CELF2: variants seen among roughly 807,000 people sequenced by gnomAD.
CELF2 encodes the protein CUGBP Elav-like family member 2, also known as CUG triplet repeat RNA-binding protein 2.
A neutral mutation model predicts 62.6 loss-of-function variants in CELF2; 8 were observed. That is an observed-to-expected ratio of 0.13 (90% CI 0.07 to 0.23). The LOEUF (loss-of-function observed/expected upper bound fraction) is 0.23, where lower values mean the gene tolerates loss of function less well. CELF2 is among the 10% of genes least tolerant of loss of function. The pLI, the probability that CELF2 is intolerant of heterozygous loss-of-function variation, is 1.00. For missense variants in CELF2, 333 were observed against 671.0 expected (o/e 0.50, Z 5.56); for synonymous variants, 258 against 250.0 (o/e 1.03, Z -0.30).
chr10:11,284,521 T>A (rs2090469659), intron 8 of CELF2, among the ~76,000 whole-genome samples: 1 of 145,136 alleles, frequency 6.9e-6, no homozygotes, highest in Non-Finnish European at 1.5e-5. Context: ...GATGAGTGTG[T>A]GGTGGGTGGA....
At chr10:10,603,794 C>A in the CELF2 span, among the ~76,000 whole-genome samples, 3 of 151,844 alleles carry the variant, frequency 2.0e-5, no homozygotes, top group Non-Finnish European at 4.4e-5. Flanking sequence ...TACACACACA[C>A]ACACACACAC....
chr10:10,575,985 C>A, the CELF2 span, among the ~76,000 whole-genome samples: 2 of 152,146 alleles, frequency 1.3e-5, no homozygotes, highest in Non-Finnish European at 2.9e-5. Context: ...TAAATCAAAT[C>A]AAAGTAGACA....
the CELF2 span, among the ~76,000 whole-genome samples, chr10:10,660,361 G>A: frequency 6.6e-6 from 1 of 152,200 alleles, no homozygotes; most frequent in Non-Finnish European, 1.5e-5. Flanking sequence ...GTGTGTTGGA[G>A]CAAAGGTCTT....
At chr10:10,770,821 A>T in the CELF2 span, among the ~76,000 whole-genome samples, 73 of 152,276 alleles carry the variant, frequency 4.8e-4, no homozygotes, top group South Asian at 0.015. Flanking sequence ...TGAATGCTTG[A>T]TGTGTTATCC....
At chr10:10,808,844 T>C (rs1230894063) in intron 1 of CELF2, among the ~76,000 whole-genome samples, 2 of 152,180 alleles carry the variant, frequency 1.3e-5, no homozygotes, top group Non-Finnish European at 2.9e-5. Context: ...ATACCACTCA[T>C]TCAAGAAACA....
At chr10:11,020,102 C>T (rs148222315) in intron 1 of CELF2, among the ~76,000 whole-genome samples, 1 of 152,180 alleles carries the variant, frequency 6.6e-6, no homozygotes, top group Non-Finnish European at 1.5e-5. Flanking sequence ...GTGGCCTGTT[C>T]AAGCGATTTG....
At chr10:11,197,000 AGG>A (rs1491299242) in intron 2 of CELF2, among the ~76,000 whole-genome samples, 1 of 37,004 alleles carries the variant, frequency 2.7e-5, no homozygotes, top group Non-Finnish European at 4.9e-5. Context: ...AAAGGAAGGA[AGG>A]AGAAAGAAAG....
chr10:10,820,269 G>A (rs1429624509), intron 1 of CELF2, among the ~76,000 whole-genome samples: 1 of 152,058 alleles, frequency 6.6e-6, no homozygotes, highest in Admixed American at 6.6e-5. Context: ...ACTAATATTA[G>A]TACTCTTTTC....
the CELF2 span, among the ~76,000 whole-genome samples, chr10:10,584,838 C>T: frequency 5.3e-5 from 8 of 152,212 alleles, no homozygotes; most frequent in South Asian, 2.1e-4. Flanking sequence ...GTGAGACTAA[C>T]GAAATGAATT....
intron 1 of CELF2, among the ~76,000 whole-genome samples, chr10:11,111,842 A>G (rs1056459203): frequency 7.9e-5 from 12 of 152,326 alleles, no homozygotes; most frequent in African/African-American, 2.4e-4. Flanking sequence ...TTAGAAAGAG[A>G]TTTCTCATAT....
the CELF2 span, among the ~76,000 whole-genome samples, chr10:10,642,123 A>T: frequency 6.6e-6 from 1 of 152,250 alleles, no homozygotes; most frequent in African/African-American, 2.4e-5. Flanking sequence ...GAAGCTTGCC[A>T]GATATAGCAT....
chr10:10,956,468 C>A (rs1053949753), intron 2 of CELF2, among the ~76,000 whole-genome samples: 3 of 152,202 alleles, frequency 2.0e-5, no homozygotes, highest in Admixed American at 1.3e-4. Flanking sequence ...GCAGCCCAGA[C>A]TTGGATCTAA....
chr10:10,881,346 TC>T (rs1171364560), intron 1 of CELF2, among the ~76,000 whole-genome samples: 1 of 152,206 alleles, frequency 6.6e-6, no homozygotes, highest in Non-Finnish European at 1.5e-5. Flanking sequence ...CGTACAGAAT[TC>T]ATGAGTAACT....
intron 1 of CELF2, among the ~76,000 whole-genome samples, chr10:10,859,650 G>T (rs760725101): frequency 6.6e-6 from 1 of 152,072 alleles, no homozygotes; most frequent in Non-Finnish European, 1.5e-5. Flanking sequence ...CTGGAGTTTT[G>T]ATTCAAAGAG....
At chr10:10,715,390 G>T in the CELF2 span, among the ~76,000 whole-genome samples, 15 of 152,198 alleles carry the variant, frequency 9.9e-5, no homozygotes, top group Non-Finnish European at 1.6e-4. Context: ...TAGTTCCTTT[G>T]TTTAGCATTC....
rs1413115067 is a variant in CELF2, at chr10:11,247,779, T to A, written c.355-1374T>A. On this transcript the variant is annotated intron_variant, in intron 3 of 12. Transcript: ENST00000633077. The surrounding 1 kb of genome is among the most constrained non-coding windows in gnomAD (Gnocchi z 5.4). Reference sequence around the variant, plus strand: ...CGCTTGCTCAAAGACTCTGCCCATCTCCCCCAGGCATGTTGCTGGTCCTTC... The same window carrying A: ...CGCTTGCTCAAAGACTCTGCCCATCACCCCCAGGCATGTTGCTGGTCCTTC... 6.6e-6 allele frequency among the ~76,000 whole-genome samples: 1 copy of A among 152,046 alleles called. No individual in the cohort carries two copies. Among genetic ancestry groups the A allele is most frequent in the East Asian group, 1.9e-4 (1 of 5,190 alleles).
chr10:11,236,170 G>A (rs901842817), intron 3 of CELF2, among the ~76,000 whole-genome samples: 7 of 152,320 alleles, frequency 4.6e-5, no homozygotes, highest in East Asian at 3.9e-4. Context: ...ATTAGAATAC[G>A]AAATTCAGTA....
At chr10:10,953,463 C>G (rs991047736) in intron 2 of CELF2, among the ~76,000 whole-genome samples, 11 of 152,186 alleles carry the variant, frequency 7.2e-5, no homozygotes, top group Non-Finnish European at 1.5e-4. Flanking sequence ...TGTTCATTTT[C>G]TCTTTGCTTG....
At chr10:11,024,100 CTG>C (rs2058753215) in intron 1 of CELF2, among the ~76,000 whole-genome samples, 2 of 152,062 alleles carry the variant, frequency 1.3e-5, no homozygotes, top group Admixed American at 6.5e-5. Context: ...CTTTATTAGT[CTG>C]TGTTTTTCTA....
Sources: gnomAD v4.1 joint callset for allele counts (sites outside exome capture counted in the v4.1 genomes callset) on GRCh38, gnomAD v4.1.1 for gene constraint, Gnocchi (gnomAD v3.1) non-coding constraint, MANE v1.5 for transcripts, NCBI Gene and HGNC (gene_info 2026-07-23, HGNC 2026-07-21) for gene names.